DPP10: variants seen among roughly 807,000 people sequenced by gnomAD.
DPP10 encodes inactive dipeptidyl peptidase 10.
A neutral mutation model predicts 120.9 loss-of-function variants in DPP10; 33 were observed. That is an observed-to-expected ratio of 0.27 (90% CI 0.21 to 0.37). DPP10 has a LOEUF of 0.37. Among genes scored for constraint, DPP10 ranks in the 10% least tolerant of loss-of-function variants. The pLI is 1.00. For missense variants in DPP10, 816 were observed against 942.8 expected (o/e 0.87, Z 1.76); for synonymous variants, 337 against 326.1 (o/e 1.03, Z -0.36).
At chr2:115,582,192 T>C (rs2082037780) in intron 5 of DPP10, among the ~76,000 whole-genome samples, 1 of 152,166 alleles carries the variant, frequency 6.6e-6, no homozygotes, top group Non-Finnish European at 1.5e-5. Context: ...TTTTTCCTTG[T>C]GGCAGGCTGT....
At chr2:115,000,732 G>A (rs954237845) in intron 1 of DPP10, among the ~76,000 whole-genome samples, 3 of 152,046 alleles carry the variant, frequency 2.0e-5, no homozygotes, top group African/African-American at 7.2e-5. Context: ...GGGTATTTAA[G>A]CAATTTTAAT....
At chr2:115,707,048 G>T (rs1015066250) in intron 7 of DPP10, among the ~76,000 whole-genome samples, 4 of 151,752 alleles carry the variant, frequency 2.6e-5, no homozygotes, top group African/African-American at 9.7e-5. Flanking sequence ...AATCTCAACG[G>T]AACATAGAGT....
At chr2:115,374,241 T>G (rs891706907) in intron 3 of DPP10, among the ~76,000 whole-genome samples, 4 of 152,174 alleles carry the variant, frequency 2.6e-5, no homozygotes, top group Non-Finnish European at 5.9e-5. Flanking sequence ...TAGGAGTTAC[T>G]TCTAAGATAC....
At chr2:115,312,159 TAAAAA>T (rs1559404837) in intron 2 of DPP10, among the ~76,000 whole-genome samples, 1 of 152,052 alleles carries the variant, frequency 6.6e-6, no homozygotes, top group Admixed American at 6.6e-5. Context: ...CATTATAAAA[TAAAAA>T]AGAAAATAAT....
chr2:115,528,780 GAT>G (rs1347589042), intron 5 of DPP10, among the ~76,000 whole-genome samples: 2 of 152,064 alleles, frequency 1.3e-5, no homozygotes, highest in East Asian at 3.9e-4. Context: ...TTGTTTGTAT[GAT>G]TTCATCTATA....
chr2:115,377,007 A>C (rs2065860973), intron 3 of DPP10, among the ~76,000 whole-genome samples: 1 of 150,590 alleles, frequency 6.6e-6, no homozygotes, highest in Admixed American at 6.6e-5. Flanking sequence ...TGCCACAATA[A>C]ACATACATGT....
chr2:114,671,657 G>GA lies in DPP10; in HGVS notation c.60+228821dup, dbSNP rs770669186. 1.2e-4 allele frequency among the ~76,000 whole-genome samples: 18 copies of GA among 152,186 alleles called. No individual in the cohort carries two copies. In the East Asian group the frequency reaches 1.4e-3, roughly 11 times the overall value. ...AACACATCCCCCTTGGATAAAGGGG[G>GA]AATTACTATCTCTGTATCTTATACC... On this transcript the variant is annotated intron_variant, in intron 1 of 25. Coordinates refer to ENST00000410059, the MANE Select transcript of DPP10 (RefSeq NM_020868.6).
At chr2:115,407,964 T>C (rs2068650169) in intron 3 of DPP10, among the ~76,000 whole-genome samples, 1 of 152,134 alleles carries the variant, frequency 6.6e-6, no homozygotes, top group African/African-American at 2.4e-5. Flanking sequence ...GCTACTCATC[T>C]AGAATGAGGA....
At chr2:115,042,800 A>G (rs772549751) in intron 1 of DPP10, among the ~76,000 whole-genome samples, 22 of 152,150 alleles carry the variant, frequency 1.4e-4, no homozygotes, top group Admixed American at 6.5e-5. Context: ...CTCTATGTTG[A>G]TATTTCCTTA....
intron 5 of DPP10, among the ~76,000 whole-genome samples, chr2:115,601,486 G>C (rs2083317599): frequency 6.6e-6 from 1 of 152,058 alleles, no homozygotes; most frequent in South Asian, 2.1e-4. Flanking sequence ...CTGTAACGTA[G>C]ATAAATACCT....
intron 5 of DPP10, among the ~76,000 whole-genome samples, chr2:115,565,720 T>C (rs938291211): frequency 6.6e-6 from 1 of 151,792 alleles, no homozygotes; most frequent in African/African-American, 2.4e-5. Flanking sequence ...TTGCCTGATA[T>C]TATCTTGTGA....
At chr2:114,896,187 T>C (rs1416090251) in intron 1 of DPP10, among the ~76,000 whole-genome samples, 1 of 152,216 alleles carries the variant, frequency 6.6e-6, no homozygotes, top group East Asian at 1.9e-4. Context: ...GGCTTTGTTC[T>C]TTTGGCTTAG....
intron 1 of DPP10, among the ~76,000 whole-genome samples, chr2:115,198,592 C>T (rs944185285): frequency 6.6e-6 from 1 of 152,102 alleles, no homozygotes; most frequent in Admixed American, 6.5e-5. Context: ...TTCTTAAACA[C>T]GTTGATCAAA....
intron 1 of DPP10, among the ~76,000 whole-genome samples, chr2:114,815,264 A>G (rs1206733703): frequency 6.6e-6 from 1 of 152,180 alleles, no homozygotes; most frequent in African/African-American, 2.4e-5. Context: ...AATTATTTGT[A>G]AATAAGACAA....
chr2:115,630,321 T>C (rs2085741129), intron 5 of DPP10, among the ~76,000 whole-genome samples: 1 of 152,100 alleles, frequency 6.6e-6, no homozygotes, highest in Admixed American at 6.6e-5. Context: ...ACAGTTGGGG[T>C]TTTCTAGATA....
At chr2:115,538,315 C>T (rs1020218161) in intron 5 of DPP10, among the ~76,000 whole-genome samples, 3 of 151,956 alleles carry the variant, frequency 2.0e-5, no homozygotes, top group African/African-American at 7.2e-5. Context: ...ATCCAGAGAA[C>T]TGTGATTAAT....
intron 1 of DPP10, chr2:115,064,870 T>A: frequency 2.3e-6 from 3 of 1,296,790 alleles, no homozygotes; most frequent in Non-Finnish European, 3.1e-6. Context: ...TGGGTTTCAT[T>A]TATTTTATTC....
At chr2:115,296,822 T>C (rs1419471088) in intron 1 of DPP10, among the ~76,000 whole-genome samples, 3 of 152,060 alleles carry the variant, frequency 2.0e-5, no homozygotes, top group South Asian at 2.1e-4. Context: ...TTCCTTCCTT[T>C]CTTCTTTCAT....
intron 1 of DPP10, among the ~76,000 whole-genome samples, chr2:115,167,197 T>C (rs886950700): frequency 1.3e-5 from 2 of 151,340 alleles, no homozygotes; most frequent in Non-Finnish European, 2.9e-5. Flanking sequence ...TTGAATAAGG[T>C]CTGACTCATA....
Sources: allele counts gnomAD v4.1 joint callset (sites outside exome capture counted in the v4.1 genomes callset), GRCh38; gene constraint gnomAD v4.1.1; transcripts MANE v1.5; gene names NCBI Gene and HGNC (gene_info 2026-07-23, HGNC 2026-07-21).